The following GRIK2 variants were observed in gnomAD, a reference collection of about 807,000 sequenced individuals.
GRIK2 encodes glutamate ionotropic receptor kainate type subunit 2, also known as glutamate receptor ionotropic, kainate 2.
In GRIK2, 32 loss-of-function variants were observed where a neutral mutation model predicts 100.3. The observed-to-expected ratio is 0.32, with a 90% CI of 0.24 to 0.43. GRIK2 has a LOEUF of 0.43. Ranked by LOEUF, GRIK2 falls within the 20% of genes least tolerant of loss-of-function variation. The probability of loss-of-function intolerance (pLI) is 1.00; values close to 1 mark genes in which losing one functional copy is unlikely to be tolerated. For synonymous variants in GRIK2, 417 were observed against 389.4 expected, an observed-to-expected ratio of 1.07 and a Z score of -0.83; for missense variants, 843 against 1,114.9, an observed-to-expected ratio of 0.76 and a Z score of 3.47.
At chr6:101,665,092 A>G (rs1769919271) in intron 4 of GRIK2, among the ~76,000 whole-genome samples, 1 of 152,158 alleles carries the variant, frequency 6.6e-6, no homozygotes, top group South Asian at 2.1e-4. Context: ...TGCTGGAATC[A>G]CAGATACACT....
Position 101,622,020 on chromosome 6 carries a change from A to G in GRIK2, c.187A>G (p.Thr63Ala), listed in dbSNP as rs1230322010. The G allele has an allele frequency of 1.2e-6, 2 of 1,603,986 alleles. No individual in the cohort carries two copies. Among genetic ancestry groups the G allele is most frequent in the Non-Finnish European group, 1.7e-6 (2 of 1,170,920 alleles). The change falls in exon 3 of 17, where the codon ACA becomes GCA. Residue 63 changes from threonine (T) to alanine (A), a missense_variant. Thr to Ala is a moderately conservative substitution (Grantham distance 58, BLOSUM62 0). Coordinates refer to ENST00000369134, the MANE Select transcript of GRIK2 (RefSeq NM_021956.5). ...ACTTGCATTCAGATTTGCTGTGAAC[A>G]CAATTAACAGAAACAGAACATTGCT... ...EELAFRFAVNTINRNRTLLPN... is the reference protein window; with the variant it reads ...EELAFRFAVNAINRNRTLLPN...
At chr6:101,741,756 A>G (rs746935299) in intron 7 of GRIK2, among the ~76,000 whole-genome samples, 2 of 152,214 alleles carry the variant, frequency 1.3e-5, no homozygotes, top group South Asian at 2.1e-4. Context: ...CATTTTCTGT[A>G]GCTCAAATGT....
chr6:101,510,799 G>A (rs1422724058), intron 2 of GRIK2, among the ~76,000 whole-genome samples: 1 of 151,830 alleles, frequency 6.6e-6, no homozygotes, highest in Non-Finnish European at 1.5e-5. Flanking sequence ...TGGGATTACA[G>A]GCATGAGCCA....
chr6:102,051,262 TTCCTTCCTTCCTTCC>T (rs1562140305), intron 15 of GRIK2, among the ~76,000 whole-genome samples: 29 of 125,654 alleles, frequency 2.3e-4, no homozygotes, highest in Admixed American at 5.5e-4. Flanking sequence ...CCTTCCTTCC[TTCCTTCCTTCCTTCC>T]TTCCTTCCTT....
chr6:101,993,012 T>C (rs1221615566), intron 14 of GRIK2, among the ~76,000 whole-genome samples: 1 of 151,552 alleles, frequency 6.6e-6, no homozygotes, highest in Non-Finnish European at 1.5e-5. Context: ...TAATTAAATA[T>C]AGGTGATTTG....
chr6:101,451,100 A>G (rs2254838), intron 2 of GRIK2, among the ~76,000 whole-genome samples: 58,141 of 151,450 alleles, frequency 0.38, 11,290 homozygotes, highest in Admixed American at 0.44. Context: ...ATCATTCTTC[A>G]TCCTGTTTAG....
intron 2 of GRIK2, among the ~76,000 whole-genome samples, chr6:101,615,770 A>G (rs1260526463): frequency 1.3e-5 from 2 of 152,002 alleles, no homozygotes; most frequent in East Asian, 1.9e-4. Context: ...CATGTGAACA[A>G]TTATCCTTTT....
intron 11 of GRIK2, among the ~76,000 whole-genome samples, chr6:101,879,595 C>T (rs562951256): frequency 1.3e-5 from 2 of 151,922 alleles, no homozygotes; most frequent in Admixed American, 1.3e-4. Flanking sequence ...ATGATCATAA[C>T]CTAAAGGACA....
intron 7 of GRIK2, among the ~76,000 whole-genome samples, chr6:101,741,275 C>T (rs911480020): frequency 6.6e-6 from 1 of 152,164 alleles, no homozygotes; most frequent in Non-Finnish European, 1.5e-5. Flanking sequence ...AATAAGGAAT[C>T]CACTCAAATA....
At chr6:101,866,380 T>C (rs1562449682) in intron 11 of GRIK2, among the ~76,000 whole-genome samples, 1 of 152,182 alleles carries the variant, frequency 6.6e-6, no homozygotes, top group African/African-American at 2.4e-5. Context: ...TTCCATAATA[T>C]ATGCTTATTT....
At chr6:101,846,833 C>T (rs1252034136) in intron 10 of GRIK2, among the ~76,000 whole-genome samples, 1 of 151,962 alleles carries the variant, frequency 6.6e-6, no homozygotes, top group Non-Finnish European at 1.5e-5. Flanking sequence ...CTTTTTATAT[C>T]TACAAAATTG....
At chr6:101,684,562 A>G (rs1008763004) in intron 6 of GRIK2, among the ~76,000 whole-genome samples, 9 of 152,094 alleles carry the variant, frequency 5.9e-5, no homozygotes, top group African/African-American at 2.2e-4. Context: ...TAGGGGAGAA[A>G]AGATTTCTTT....
Position 101,500,701 on chromosome 6 carries a change from A to C in GRIK2, c.115+101309A>C, listed in dbSNP as rs1028669208. Among the ~76,000 whole-genome samples the C allele has an allele frequency of 2.0e-5, 3 of 152,188 alleles. No homozygotes were observed. In the East Asian group the frequency reaches 5.8e-4, roughly 29 times the overall value. ...CTATAAAAGCAACTATATAAGACTA[A>C]AATTATTGTTTGGAAATTATTATCC... On this transcript the variant is annotated intron_variant, in intron 2 of 16. Transcript: ENST00000369134.
intron 14 of GRIK2, among the ~76,000 whole-genome samples, chr6:102,016,967 A>G (rs1769148574): frequency 6.6e-6 from 1 of 152,164 alleles, no homozygotes; most frequent in Non-Finnish European, 1.5e-5. Flanking sequence ...TTGGGGCCTC[A>G]TATTCAACAT....
Position 101,941,219 on chromosome 6 carries a change from T to C in GRIK2, c.2085+12587T>C, listed in dbSNP as rs1370275518. Among the ~76,000 whole-genome samples, 37 of 152,066 alleles carry C rather than the reference T, an allele frequency of 2.4e-4. 1 individual carries two copies. The highest frequency in any genetic ancestry group is 2.4e-3 in the Admixed American group (37 of 15,266). ...ATATAATTAAATTATTTTTCTAGTT[T>C]AAAAATACATATGGGCAAATTTCTA... is the stretch of plus-strand genomic sequence containing the variant. On this transcript the variant is annotated intron_variant, in intron 14 of 16. Coordinates refer to ENST00000369134, the MANE Select transcript of GRIK2 (RefSeq NM_021956.5).
intron 2 of GRIK2, among the ~76,000 whole-genome samples, chr6:101,547,056 C>A (rs1185007031): frequency 6.6e-6 from 1 of 151,614 alleles, no homozygotes; most frequent in African/African-American, 2.4e-5. Context: ...TGGTCTCGAT[C>A]TCTTGACCTC....
chr6:101,832,289 A>G (rs1418101701), intron 10 of GRIK2, among the ~76,000 whole-genome samples: 1 of 152,102 alleles, frequency 6.6e-6, no homozygotes, highest in African/African-American at 2.4e-5. Flanking sequence ...AAGACTCACA[A>G]TTTTAGTCAC....
At chr6:102,008,667 A>T (rs973901296) in intron 14 of GRIK2, among the ~76,000 whole-genome samples, 2 of 152,084 alleles carry the variant, frequency 1.3e-5, no homozygotes, top group African/African-American at 4.8e-5. Context: ...CCAACTGTAA[A>T]ATATTTTCTA....
rs919132020 is a variant in GRIK2, at chr6:101,599,983, G to C, written c.116-21966G>C. Among the ~76,000 whole-genome samples, 2 of 151,786 alleles carry C rather than the reference G, an allele frequency of 1.3e-5. 1 individual carries two copies. The highest frequency in any genetic ancestry group is 1.3e-4 in the Admixed American group (2 of 15,182). ...AATCATAAGTTCTTTCTCAAGGCCA[G>C]TGTCCAGAATGATGTTACCTAGGTT... On this transcript the variant is annotated intron_variant, in intron 2 of 16. Transcript: ENST00000369134.
Sources: allele counts gnomAD v4.1 joint callset (sites outside exome capture counted in the v4.1 genomes callset), GRCh38; gene constraint gnomAD v4.1.1; transcripts MANE v1.5; gene names NCBI Gene and HGNC (gene_info 2026-07-23, HGNC 2026-07-21).